Variants in NUP62 observed in about 807,000 individuals in gnomAD.
The protein encoded by NUP62 is nuclear pore glycoprotein p62.
For missense variants in NUP62, 647 were observed against 689.4 expected (o/e 0.94, Z 0.69); for synonymous variants, 305 against 303.4 (o/e 1.01, Z -0.05).
intron 2 of NUP62, among the ~76,000 whole-genome samples, chr19:49,911,640 G>A (rs1454264165): frequency 6.6e-6 from 1 of 152,142 alleles, no homozygotes; most frequent in Non-Finnish European, 1.5e-5. Flanking sequence ...AAGCAAGCCT[G>A]GGGAGATGAC....
chr19:49,912,166 C>CTTTTT (rs60350799), intron 2 of NUP62, among the ~76,000 whole-genome samples: 4 of 115,488 alleles, frequency 3.5e-5, no homozygotes, highest in Non-Finnish European at 5.2e-5. Flanking sequence ...AACAGTTCAC[C>CTTTTT]TTTTTTTTTT....
intron 2 of NUP62, among the ~76,000 whole-genome samples, chr19:49,926,296 G>A (rs921105503): frequency 6.6e-6 from 1 of 151,128 alleles, no homozygotes; most frequent in Admixed American, 6.6e-5. Flanking sequence ...TTGGGAGGCC[G>A]AGGTGGGTGG....
At chr19:49,913,607 C>G (rs1328634711) in intron 2 of NUP62, among the ~76,000 whole-genome samples, 2 of 152,254 alleles carry the variant, frequency 1.3e-5, no homozygotes, top group African/African-American at 2.4e-5. Flanking sequence ...CTCTCTCTAC[C>G]TGCAGAGGAG....
intron 2 of NUP62, among the ~76,000 whole-genome samples, chr19:49,925,224 G>A (rs998526424): frequency 2.0e-5 from 3 of 152,030 alleles, no homozygotes; most frequent in African/African-American, 4.8e-5. Context: ...TGGCACCATT[G>A]CACTCCAGCC....
chr19:49,922,652 G>A (rs1003459612), intron 2 of NUP62, among the ~76,000 whole-genome samples: 1 of 151,872 alleles, frequency 6.6e-6, no homozygotes, highest in Non-Finnish European at 1.5e-5. Context: ...CTGGTGGTTT[G>A]CTGGGGTTTT....
Position 49,908,823 on chromosome 19 carries a change from T to C in NUP62, c.985A>G (p.Thr329Ala), listed in dbSNP as rs1184946692. 3.7e-6 allele frequency: 6 copies of C among 1,613,332 alleles called. No individual in the cohort carries two copies. Among genetic ancestry groups the C allele is most frequent in the Non-Finnish European group, 4.2e-6 (5 of 1,180,032 alleles). Residue 329 changes from threonine (T) to alanine (A), a missense_variant, in exon 3 of 3, where the codon ACC becomes GCC. Thr to Ala is a moderately conservative substitution (Grantham distance 58, BLOSUM62 0). Coordinates refer to ENST00000352066, the MANE Select transcript of NUP62 (RefSeq NM_016553.5). ...ATCAGGCTCTCCAGCTGCGCGTAGGTCATGGCGGAGCTGGCAGCCGCCCCT... is the reference window on the plus strand; with the variant it reads ...ATCAGGCTCTCCAGCTGCGCGTAGGCCATGGCGGAGCTGGCAGCCGCCCCT... ...AAGAAASSAMTYAQLESLINK... is the reference protein window; with the variant it reads ...AAGAAASSAMAYAQLESLINK...
At chr19:49,918,792 G>A (rs2075687743) in intron 2 of NUP62, among the ~76,000 whole-genome samples, 1 of 150,124 alleles carries the variant, frequency 6.7e-6, no homozygotes, top group African/African-American at 2.4e-5. Flanking sequence ...CCAGGAGGCC[G>A]CACCACCCTG....
Position 49,909,214 on chromosome 19 carries a change from G to C in NUP62, c.594C>G (p.Thr198=). The C allele has an allele frequency of 6.2e-7, 1 of 1,614,152 alleles. No homozygotes were observed. Among genetic ancestry groups the C allele is most frequent in the Non-Finnish European group, 8.5e-7 (1 of 1,180,028 alleles). The change falls in exon 3 of 3, where the codon ACC becomes ACG. Residue 198 remains threonine (T), a synonymous_variant. Transcript: ENST00000352066. Reference sequence around the variant, plus strand: ...CAGCTGGCTGTGTGGCACCTGCTGTGGTGGCTGCTGGCGTGGCCGGAGTGA... The same window carrying C: ...CAGCTGGCTGTGTGGCACCTGCTGTCGTGGCTGCTGGCGTGGCCGGAGTGA... ...LPFTPATPAA[T]TAGATQPAAP... is the part of the protein sequence containing the mutation.
At chr19:49,923,760 T>A (rs1186084024) in intron 2 of NUP62, among the ~76,000 whole-genome samples, 3 of 152,120 alleles carry the variant, frequency 2.0e-5, no homozygotes, top group Non-Finnish European at 2.9e-5. Flanking sequence ...GGAAACTGAG[T>A]CATAGAAAGA....
intron 2 of NUP62, among the ~76,000 whole-genome samples, chr19:49,916,981 C>A (rs2075641094): frequency 6.6e-6 from 1 of 152,236 alleles, no homozygotes. Flanking sequence ...CGGCTGACAG[C>A]CACCTGGTGG....
chr19:49,928,843 G>C (rs1321871825), intron 1 of NUP62: 1 of 152,254 alleles, frequency 6.6e-6, no homozygotes, highest in Admixed American at 6.5e-5. Context: ...AACTGGTGCA[G>C]GTCTGCGGGA....
intron 2 of NUP62, among the ~76,000 whole-genome samples, chr19:49,914,919 T>A (rs1302971246): frequency 1.1e-4 from 16 of 151,664 alleles, no homozygotes; most frequent in African/African-American, 3.9e-4. Flanking sequence ...TTTGTATTTT[T>A]AGTAGAGACG....
In NUP62 at chr19:49,908,963, G is replaced by A; in HGVS notation, c.845C>T (p.Thr282Ile). The A allele has an allele frequency of 6.2e-7, 1 of 1,605,920 alleles. No homozygotes were observed. The highest frequency in any genetic ancestry group is 8.5e-7 in the Non-Finnish European group (1 of 1,175,998). The change falls in exon 3 of 3, where the codon ACC becomes ATC. Residue 282 changes from threonine (T) to isoleucine (I), a missense_variant. By Grantham distance (89) the Thr-to-Ile change is moderately conservative. Coordinates refer to ENST00000352066, the MANE Select transcript of NUP62 (RefSeq NM_016553.5). ...STAATATATT[T>I]SSSSTTGFAL... ...AAAGCCGGTGGTGCTGCTGCTGCTG[G>A]TGGTGGTGGCGGTGGCGGTGGCAGC...
chr19:49,919,280 G>T (rs912852003), intron 2 of NUP62, among the ~76,000 whole-genome samples: 1 of 152,212 alleles, frequency 6.6e-6, no homozygotes, highest in Admixed American at 6.5e-5. Flanking sequence ...CTGCTCCCTG[G>T]AGACAGGCTG....
intron 2 of NUP62, among the ~76,000 whole-genome samples, chr19:49,914,854 C>T (rs2122664685): frequency 6.6e-6 from 1 of 151,044 alleles, no homozygotes; most frequent in East Asian, 2.0e-4. Flanking sequence ...ATTCTCCCAC[C>T]TCAGCCTCCC....
intron 2 of NUP62, among the ~76,000 whole-genome samples, chr19:49,919,654 G>A (rs1050083024): frequency 1.3e-5 from 2 of 152,070 alleles, no homozygotes; most frequent in Admixed American, 1.3e-4. Flanking sequence ...CACTCCCCAG[G>A]CCCAGAAGCT....
chr19:49,919,364 C>T (rs2075708586), intron 2 of NUP62, among the ~76,000 whole-genome samples: 1 of 152,188 alleles, frequency 6.6e-6, no homozygotes, highest in Non-Finnish European at 1.5e-5. Flanking sequence ...CACCTGCACA[C>T]AAAAGGCCGC....
intron 2 of NUP62, among the ~76,000 whole-genome samples, chr19:49,922,007 G>T (rs1216071269): frequency 6.6e-6 from 1 of 152,158 alleles, no homozygotes; most frequent in African/African-American, 2.4e-5. Context: ...CGACCACGAG[G>T]GACCAAGACA....
rs766750131 is a variant in NUP62 at position 49,908,846 on chromosome 19, C to A, written c.962G>T (p.Gly321Val). Reference protein sequence around the residue: ...TAPPGPGAAAGAAASSAMTYA... With the variant: ...TAPPGPGAAAVAAASSAMTYA... ...GGTCATGGCGGAGCTGGCAGCCGCCCCTGCAGCTGCGCCAGGGCCAGGTGG... is the reference window on the plus strand; with the variant it reads ...GGTCATGGCGGAGCTGGCAGCCGCCACTGCAGCTGCGCCAGGGCCAGGTGG... The change falls in exon 3 of 3, where the codon GGG (glycine) becomes GTG (valine). Residue 321 changes from glycine (G) to valine (V), a missense_variant. Coordinates refer to ENST00000352066, the MANE Select transcript of NUP62 (RefSeq NM_016553.5). The A allele has an allele frequency of 6.2e-7, 1 of 1,612,386 alleles. No homozygotes were observed. Among genetic ancestry groups the A allele is most frequent in the Non-Finnish European group, 8.5e-7 (1 of 1,179,986 alleles).
Sources: allele counts gnomAD v4.1 joint callset (sites outside exome capture counted in the v4.1 genomes callset), GRCh38; gene constraint gnomAD v4.1.1; transcripts MANE v1.5; gene names NCBI Gene and HGNC (gene_info 2026-07-23, HGNC 2026-07-21).